The following RFC3 variants were observed in gnomAD, a reference collection of about 807,000 sequenced individuals.
RFC3 encodes replication factor C subunit 3, also known as A1 38 kDa subunit.
In RFC3, 41 loss-of-function variants were observed where a neutral mutation model predicts 45.1. That is an observed-to-expected ratio of 0.91 (90% confidence interval 0.71 to 1.18). The LOEUF (loss-of-function observed/expected upper bound fraction) is 1.18. Ranked by LOEUF, RFC3 falls within the 50% of genes most tolerant of loss-of-function variation. The pLI, the probability that RFC3 is intolerant of heterozygous loss-of-function variation, is 0.00. For synonymous variants in RFC3, 149 were observed against 144.0 expected, an observed-to-expected ratio of 1.03 and a Z score of -0.25; for missense variants, 423 against 428.1, an observed-to-expected ratio of 0.99 and a Z score of 0.10.
At chr13:33,962,585 C>T (rs967203764) in intron 8 of RFC3, among the ~76,000 whole-genome samples, 9 of 152,180 alleles carry the variant, frequency 5.9e-5, no homozygotes, top group African/African-American at 1.7e-4. Flanking sequence ...TTTATGTTCA[C>T]TGATGTGCAT....
chr13:33,876,936 G>A (rs960955541), intron 8 of RFC3, among the ~76,000 whole-genome samples: 4 of 152,188 alleles, frequency 2.6e-5, no homozygotes, highest in Admixed American at 2.0e-4. Context: ...AAAAAGCCTG[G>A]TGTCTATATA....
At chr13:33,876,851 A>G (rs2082450401) in intron 8 of RFC3, among the ~76,000 whole-genome samples, 1 of 152,182 alleles carries the variant, frequency 6.6e-6, no homozygotes, top group East Asian at 1.9e-4. Context: ...ATTTCAGCTA[A>G]TGTTCTCTCT....
intron 8 of RFC3, among the ~76,000 whole-genome samples, chr13:33,932,313 C>T (rs1431261376): frequency 2.0e-5 from 3 of 151,970 alleles, no homozygotes; most frequent in African/African-American, 7.2e-5. Context: ...CTTAATATAC[C>T]TTGGAATAAT....
At chr13:33,886,559 A>G (rs2082525269) in intron 8 of RFC3, among the ~76,000 whole-genome samples, 1 of 151,782 alleles carries the variant, frequency 6.6e-6, no homozygotes, top group Admixed American at 6.6e-5. Flanking sequence ...AAAAAAAGAA[A>G]AAAAACCCAT....
intron 7 of RFC3, among the ~76,000 whole-genome samples, chr13:33,834,324 A>C (rs1191814147): frequency 7.4e-6 from 1 of 135,978 alleles, no homozygotes; most frequent in African/African-American, 3.0e-5. Context: ...ATATATATAT[A>C]TATATATCTG....
At chr13:33,835,300 C>T (rs1374093821) in intron 8 of RFC3, 83 bp downstream of exon 8, 1 of 826,942 alleles carries the variant, frequency 1.2e-6, no homozygotes. Flanking sequence ...TTTGCAGTAT[C>T]AAGATATCAC....
intron 8 of RFC3, among the ~76,000 whole-genome samples, chr13:33,924,375 C>A (rs1353321938): frequency 1.3e-5 from 2 of 151,948 alleles, no homozygotes; most frequent in South Asian, 2.1e-4. Context: ...CTATGCCTGG[C>A]AGGTCAAATC....
At chr13:33,918,055 T>C (rs536873804) in intron 8 of RFC3, among the ~76,000 whole-genome samples, 9 of 152,132 alleles carry the variant, frequency 5.9e-5, no homozygotes, top group Admixed American at 2.6e-4. Context: ...CCTATTACAG[T>C]TGAGGAAACT....
At chr13:33,921,364 G>A (rs1424195696) in intron 8 of RFC3, among the ~76,000 whole-genome samples, 1 of 152,148 alleles carries the variant, frequency 6.6e-6, no homozygotes, top group Non-Finnish European at 1.5e-5. Flanking sequence ...CGGCTTTGAA[G>A]GAGAGAACTG....
At chr13:33,845,466 ATTCTTTT>A (rs1397182133) in intron 8 of RFC3, among the ~76,000 whole-genome samples, 1 of 151,626 alleles carries the variant, frequency 6.6e-6, no homozygotes, top group African/African-American at 2.4e-5. Context: ...ATTCTTTTTT[ATTCTTTT>A]TTCTTTTGTC....
intron 8 of RFC3, among the ~76,000 whole-genome samples, chr13:33,903,802 GCT>G (rs1218011603): frequency 1.3e-5 from 2 of 151,998 alleles, no homozygotes; most frequent in Admixed American, 6.6e-5. Flanking sequence ...TGGCCCCTGT[GCT>G]CTCTTTCCTT....
At chr13:33,844,306 C>T (rs2082222028) in intron 8 of RFC3, among the ~76,000 whole-genome samples, 1 of 152,194 alleles carries the variant, frequency 6.6e-6, no homozygotes, top group African/African-American at 2.4e-5. Context: ...TGACTGTGGC[C>T]TGCCTTCAGG....
chr13:33,939,801 G>A (rs989926401), intron 8 of RFC3, among the ~76,000 whole-genome samples: 7 of 152,272 alleles, frequency 4.6e-5, no homozygotes, highest in Middle Eastern at 6.8e-3. Context: ...TGGACACCCA[G>A]CTAGTATCTA....
intron 8 of RFC3, among the ~76,000 whole-genome samples, chr13:33,859,956 T>C (rs1000607758): frequency 6.6e-6 from 1 of 152,130 alleles, no homozygotes; most frequent in African/African-American, 2.4e-5. Context: ...TTGAATGATG[T>C]CATAAGGGTG....
chr13:33,935,598 G>A (rs1999164), intron 8 of RFC3, among the ~76,000 whole-genome samples: 149,753 of 152,304 alleles, frequency 0.98, 73,678 homozygotes, highest in East Asian at 1. Flanking sequence ...ATCCTAATTT[G>A]TGGAAGGTTG....
chr13:33,887,810 G>A (rs1459889368), intron 8 of RFC3, among the ~76,000 whole-genome samples: 4 of 151,732 alleles, frequency 2.6e-5, no homozygotes, highest in Non-Finnish European at 5.9e-5. Context: ...TTTGTATAAG[G>A]TGTAAGGAAG....
intron 8 of RFC3, among the ~76,000 whole-genome samples, chr13:33,891,227 T>C (rs2137634455): frequency 1.3e-5 from 2 of 152,268 alleles, no homozygotes; most frequent in Admixed American, 1.3e-4. Flanking sequence ...GCATTCATTA[T>C]GCCCTCAAAA....
the RFC3 span, among the ~76,000 whole-genome samples, chr13:33,972,930 A>G: frequency 6.6e-6 from 1 of 152,198 alleles, no homozygotes; most frequent in African/African-American, 2.4e-5. Flanking sequence ...ACCTTGCAGA[A>G]GGGCATAAGA....
intron 8 of RFC3, among the ~76,000 whole-genome samples, chr13:33,898,132 G>A (rs1229604596): frequency 6.6e-6 from 1 of 151,906 alleles, no homozygotes; most frequent in East Asian, 1.9e-4. Context: ...AACCATCAGA[G>A]TTTAACTACA....
Sources: gnomAD v4.1 joint callset for allele counts (sites outside exome capture counted in the v4.1 genomes callset) on GRCh38, gnomAD v4.1.1 for gene constraint, MANE v1.5 for transcripts, NCBI Gene and HGNC (gene_info 2026-07-23, HGNC 2026-07-21) for gene names.